Variants in C10orf53 observed in about 807,000 individuals in gnomAD.
C10orf53 encodes the protein chromosome 10 open reading frame 53, also known as UPF0728 protein C10orf53.
Under a neutral mutation model 9.4 loss-of-function variants are expected in C10orf53, and 8 were observed. The observed-to-expected ratio is 0.85, with a 90% CI of 0.50 to 1.53. The LOEUF (loss-of-function observed/expected upper bound fraction) is 1.53. Among genes scored for constraint, C10orf53 ranks in the 40% most tolerant of loss-of-function variants. The pLI is 0.00. For missense variants in C10orf53, 117 were observed against 117.8 expected (o/e 0.99, Z 0.03); for synonymous variants, 48 against 46.0 (o/e 1.04, Z -0.18).
chr10:49,681,756 G>A (rs1236080233), intron 1 of C10orf53, among the ~76,000 whole-genome samples: 2 of 152,172 alleles, frequency 1.3e-5, no homozygotes, highest in African/African-American at 4.8e-5. Context: ...AGAGCGGGGA[G>A]CAAGCTCACT....
intron 2 of C10orf53, among the ~76,000 whole-genome samples, chr10:49,705,083 C>A (rs1325601766): frequency 6.6e-6 from 1 of 152,124 alleles, no homozygotes. Context: ...CCTATGTGTC[C>A]AGTCAAAAGA....
At chr10:49,699,806 G>A (rs115585996), downstream of C10orf53, among the ~76,000 whole-genome samples, 409 of 152,272 alleles carry the variant, frequency 2.7e-3, 6 homozygotes, top group African/African-American at 9.3e-3. Context: ...GCAGATCTAT[G>A]AAATAAAGAC....
chr10:49,689,365 GGC>G (rs1397910847), intron 1 of C10orf53, among the ~76,000 whole-genome samples: 2 of 152,186 alleles, frequency 1.3e-5, no homozygotes, highest in African/African-American at 4.8e-5. Flanking sequence ...AAGAATTCAT[GGC>G]TGATGAAAGA....
downstream of C10orf53, among the ~76,000 whole-genome samples, chr10:49,698,579 G>A (rs1413945751): frequency 6.6e-6 from 1 of 152,196 alleles, no homozygotes; most frequent in African/African-American, 2.4e-5. Context: ...CCCTGGGGGT[G>A]TAAGGTTTCC....
intron 2 of C10orf53, 73 bp from the exon 3 acceptor site, chr10:49,694,465 C>A: frequency 6.3e-7 from 1 of 1,588,678 alleles, no homozygotes; most frequent in Non-Finnish European, 8.6e-7. Flanking sequence ...TGGGTGGAAG[C>A]CATAGGTATG....
chr10:49,686,720 C>T (rs540398760), intron 1 of C10orf53, among the ~76,000 whole-genome samples: 2 of 152,172 alleles, frequency 1.3e-5, no homozygotes, highest in African/African-American at 4.8e-5. Context: ...GAAATTCCAG[C>T]CTGGTAAATT....
chr10:49,687,616 A>C (rs145107261), intron 1 of C10orf53, among the ~76,000 whole-genome samples: 1 of 152,350 alleles, frequency 6.6e-6, no homozygotes, highest in Admixed American at 6.5e-5. Flanking sequence ...CACCAATGTG[A>C]GATTCTGATG....
At chr10:49,689,863 T>A (rs1153791) in intron 1 of C10orf53, among the ~76,000 whole-genome samples, 144,388 of 152,188 alleles carry the variant, frequency 0.95, 68,831 homozygotes, top group Middle Eastern at 1. Context: ...TTTAAAAAAG[T>A]ATTATGAATC....
chr10:49,699,173 T>C (rs1840660860), downstream of C10orf53, among the ~76,000 whole-genome samples: 3 of 147,996 alleles, frequency 2.0e-5, no homozygotes, highest in South Asian at 2.2e-4. Flanking sequence ...GTTAACTTTT[T>C]GTTTTGGTGG....
chr10:49,693,239 G>C (rs1840601473), intron 1 of C10orf53, among the ~76,000 whole-genome samples: 1 of 152,144 alleles, frequency 6.6e-6, no homozygotes, highest in Non-Finnish European at 1.5e-5. Flanking sequence ...GTATTTTGCT[G>C]TCATAATAAT....
chr10:49,693,920 C>CTCCTCTG, intron 2 of C10orf53, 27 bp downstream of exon 2: 1 of 1,614,154 alleles, frequency 6.2e-7, no homozygotes, highest in East Asian at 2.2e-5. Context: ...TGCTTCCAGC[C>CTCCTCTG]AGCAATTTGC....
intron 1 of C10orf53, 122 bp downstream of exon 1, chr10:49,679,916 C>G (rs973189395): frequency 4.3e-6 from 4 of 920,712 alleles, no homozygotes; most frequent in Admixed American, 3.8e-5. Context: ...GGAAGTCTTC[C>G]CCAGGATGAT....
chr10:49,700,045 C>T (rs1365026984), downstream of C10orf53, among the ~76,000 whole-genome samples: 1 of 152,222 alleles, frequency 6.6e-6, no homozygotes. Flanking sequence ...ACCCAGCAGA[C>T]TCAACAATGG....
At chr10:49,693,020 A>G (rs1840599183) in intron 1 of C10orf53, among the ~76,000 whole-genome samples, 1 of 152,234 alleles carries the variant, frequency 6.6e-6, no homozygotes, top group South Asian at 2.1e-4. Flanking sequence ...TCATCCTTAC[A>G]TACATATTTG....
At chr10:49,680,802 A>C (rs1470366644) in intron 1 of C10orf53, among the ~76,000 whole-genome samples, 3 of 152,212 alleles carry the variant, frequency 2.0e-5, no homozygotes, top group Non-Finnish European at 4.4e-5. Flanking sequence ...AAGGGTAAAA[A>C]GAATGTTATC....
chr10:49,690,824 GGT>G (rs1840577166), intron 1 of C10orf53, among the ~76,000 whole-genome samples: 1 of 152,154 alleles, frequency 6.6e-6, no homozygotes, highest in Non-Finnish European at 1.5e-5. Flanking sequence ...CTTGCGCGGG[GGT>G]GTGTGTATGC....
At chr10:49,708,746 C>T (rs1161239180) in exon 3 of C10orf53, 1 of 1,396,478 alleles carries the variant, frequency 7.2e-7, no homozygotes, top group South Asian at 1.5e-5. Flanking sequence ...TCCCGAACCT[C>T]TCCAGCTAGA....
intron 2 of C10orf53, among the ~76,000 whole-genome samples, chr10:49,705,727 T>G (rs1840718276): frequency 6.6e-6 from 1 of 152,052 alleles, no homozygotes. Context: ...GGCAAATGTT[T>G]CTTATATATT....
intron 2 of C10orf53, among the ~76,000 whole-genome samples, chr10:49,706,719 T>C (rs1048134540): frequency 6.6e-6 from 1 of 152,240 alleles, no homozygotes; most frequent in Non-Finnish European, 1.5e-5. Flanking sequence ...AATGGATGAA[T>C]TGTACATATG....
Sources: allele counts gnomAD v4.1 joint callset (sites outside exome capture counted in the v4.1 genomes callset), GRCh38; gene constraint gnomAD v4.1.1; transcripts MANE v1.5; gene names NCBI Gene and HGNC (gene_info 2026-07-23, HGNC 2026-07-21).